Variants in NEK10 observed in about 807,000 individuals in gnomAD.
NEK10 encodes the protein serine/threonine-protein kinase Nek10.
In NEK10, 122 loss-of-function variants were observed where a neutral mutation model predicts 159.8. The ratio of observed to expected loss-of-function variants is 0.76; its 90% confidence interval spans 0.66 to 0.89. The LOEUF is 0.89. Among genes scored for constraint, NEK10 ranks in the 40% least tolerant of loss-of-function variants. The pLI is 0.00. For synonymous variants in NEK10, 466 were observed against 457.1 expected (o/e 1.02, Z -0.25); for missense variants, 1,342 against 1,323.1 (o/e 1.01, Z -0.22).
chr3:27,231,641 A>T (rs1953285490), intron 23 of NEK10, among the ~76,000 whole-genome samples: 1 of 152,048 alleles, frequency 6.6e-6, no homozygotes, highest in Admixed American at 6.6e-5. Flanking sequence ...AAATAAGCTC[A>T]ATTAGCAATG....
intron 1 of NEK10, among the ~76,000 whole-genome samples, chr3:27,354,741 CA>C (rs1252866554): frequency 1.3e-5 from 2 of 152,156 alleles, no homozygotes; most frequent in Admixed American, 1.3e-4. Context: ...AGAGGTCAGG[CA>C]AGGGTGCTAA....
intron 15 of NEK10, among the ~76,000 whole-genome samples, chr3:27,293,977 T>C (rs1254247297): frequency 6.6e-6 from 1 of 152,212 alleles, no homozygotes; most frequent in African/African-American, 2.4e-5. Flanking sequence ...TGTCTAAAGA[T>C]TTCCAGGAGC....
At chr3:27,124,434 A>T (rs1194843428) in intron 32 of NEK10, among the ~76,000 whole-genome samples, 1 of 152,184 alleles carries the variant, frequency 6.6e-6, no homozygotes, top group African/African-American at 2.4e-5. Context: ...TACTTACAAC[A>T]TTCTAGACAC....
chr3:27,335,966 C>G (rs551694474), intron 5 of NEK10, among the ~76,000 whole-genome samples: 13 of 152,088 alleles, frequency 8.5e-5, no homozygotes, highest in South Asian at 4.2e-4. Flanking sequence ...AAGGCAAGAA[C>G]AAACCAAACC....
At chr3:27,185,454 A>C (rs1948524780) in intron 26 of NEK10, among the ~76,000 whole-genome samples, 1 of 152,168 alleles carries the variant, frequency 6.6e-6, no homozygotes, top group Non-Finnish European at 1.5e-5. Context: ...GAACTGATTT[A>C]ATCAGGTGGC....
At chr3:27,131,836 G>A in intron 32 of NEK10, 44 bp downstream of exon 32, 1 of 1,063,152 alleles carries the variant, frequency 9.4e-7, no homozygotes, top group Non-Finnish European at 1.4e-6. Context: ...CTCTTATGAT[G>A]TGGTTTTGTC....
chr3:27,120,290 T>G (rs923285030), intron 32 of NEK10, among the ~76,000 whole-genome samples: 2 of 152,216 alleles, frequency 1.3e-5, no homozygotes, highest in Non-Finnish European at 2.9e-5. Context: ...AATTCCTTTT[T>G]GTTTGACCAA....
At chr3:27,265,718 T>G (rs1236547553) in intron 22 of NEK10, 1 of 148,590 alleles carries the variant, frequency 6.7e-6, no homozygotes, top group Non-Finnish European at 1.5e-5. Flanking sequence ...GCTGCTCAAA[T>G]TTTTGCATTT....
At chr3:27,292,063 C>G (rs561844842) in intron 16 of NEK10, among the ~76,000 whole-genome samples, 3 of 152,058 alleles carry the variant, frequency 2.0e-5, no homozygotes, top group Non-Finnish European at 4.4e-5. Context: ...AAAAAATACA[C>G]TATTTACAGT....
intron 13 of NEK10, among the ~76,000 whole-genome samples, chr3:27,300,142 C>A (rs560765170): frequency 6.6e-6 from 1 of 152,308 alleles, no homozygotes; most frequent in South Asian, 2.1e-4. Context: ...TGAATTGTAA[C>A]TCCCACAATT....
Position 27,290,395 on chromosome 3 carries a change from C to T in NEK10, c.1743+222G>A, listed in dbSNP as rs748178576. Reference sequence around the variant, plus strand: ...TATGATGCATTCTGTACTGTAAATCCGATTGTTTTGCATCCATGACCCTGA... The same window carrying T: ...TATGATGCATTCTGTACTGTAAATCTGATTGTTTTGCATCCATGACCCTGA... On this transcript the variant is annotated intron_variant, in intron 19 of 35. Transcript: ENST00000691995. Among the ~76,000 whole-genome samples, 4 of 152,108 alleles carry T rather than the reference C, an allele frequency of 2.6e-5. No individual in the cohort carries two copies. The South Asian group carries it at 6.2e-4, about 24-fold the overall frequency.
At chr3:27,185,921 A>T (rs191987725) in intron 26 of NEK10, among the ~76,000 whole-genome samples, 1 of 152,324 alleles carries the variant, frequency 6.6e-6, no homozygotes, top group Non-Finnish European at 1.5e-5. Flanking sequence ...AAAGGATAAG[A>T]TGGATTTGCC....
At chr3:27,136,484 G>A (rs1331085999) in intron 31 of NEK10, among the ~76,000 whole-genome samples, 1 of 152,066 alleles carries the variant, frequency 6.6e-6, no homozygotes, top group Non-Finnish European at 1.5e-5. Flanking sequence ...CAATCTAAAT[G>A]TAAGTATAAA....
chr3:27,320,066 C>CAACT (rs1253516157), intron 6 of NEK10, among the ~76,000 whole-genome samples: 3 of 152,220 alleles, frequency 2.0e-5, no homozygotes, highest in African/African-American at 7.2e-5. Context: ...AGATGTTAAA[C>CAACT]AACTGCCTGA....
Position 27,352,872 on chromosome 3 carries a change from T to G in NEK10, c.11A>C (p.Gln4Pro). The G allele has an allele frequency of 6.2e-7, 1 of 1,607,146 alleles. No homozygotes were observed. Among genetic ancestry groups the G allele is most frequent in the Non-Finnish European group, 8.5e-7 (1 of 1,174,246 alleles). ...TTCTGTGGTCTTCACCTTTTTATCT[T>G]GATCAGGCATTGTAAAACATCAATG... is the stretch of plus-strand genomic sequence containing the variant. MPD[Q>P]DKKVKTTEKS... The change falls in exon 2 of 36, where the codon CAA becomes CCA. Residue 4 changes from glutamine (Q) to proline (P), a missense_variant. Transcript: ENST00000691995.
intron 23 of NEK10, among the ~76,000 whole-genome samples, chr3:27,203,978 C>A (rs1575228834): frequency 6.6e-6 from 1 of 152,210 alleles, no homozygotes; most frequent in Middle Eastern, 3.4e-3. Context: ...CCCTGCCATC[C>A]CTTTATCAAC....
intron 30 of NEK10, among the ~76,000 whole-genome samples, chr3:27,159,936 T>G (rs1333548024): frequency 6.6e-6 from 1 of 151,004 alleles, no homozygotes; most frequent in Non-Finnish European, 1.5e-5. Context: ...CTAGATATAT[T>G]CCTGGGGAAA....
intron 28 of NEK10, among the ~76,000 whole-genome samples, chr3:27,173,193 C>T (rs797013670): frequency 4.3e-4 from 65 of 152,244 alleles, no homozygotes; most frequent in African/African-American, 1.5e-3. Context: ...ACAAAAACAA[C>T]CCTGTTATTA....
intron 23 of NEK10, chr3:27,214,953 A>C: frequency 1.2e-6 from 1 of 845,902 alleles, no homozygotes; most frequent in Non-Finnish European, 2.0e-6. Flanking sequence ...ATCCAAAACC[A>C]GTGCCTATCT....
Sources: allele counts gnomAD v4.1 joint callset (sites outside exome capture counted in the v4.1 genomes callset), GRCh38; gene constraint gnomAD v4.1.1; transcripts MANE v1.5; gene names NCBI Gene and HGNC (gene_info 2026-07-23, HGNC 2026-07-21).